SHISA9: variants seen among roughly 807,000 people sequenced by gnomAD.
SHISA9 encodes shisa family member 9.
A neutral mutation model predicts 38.0 loss-of-function variants in SHISA9; 13 were observed. The ratio of observed to expected loss-of-function variants is 0.34; its 90% confidence interval spans 0.22 to 0.54. The LOEUF (loss-of-function observed/expected upper bound fraction) is 0.54, where lower values mean the gene tolerates loss of function less well. Among genes scored for constraint, SHISA9 ranks in the 20% least tolerant of loss-of-function variants. The pLI is 0.91. For synonymous variants in SHISA9, 275 were observed against 242.0 expected (o/e 1.14, Z -1.27); for missense variants, 538 against 575.8 (o/e 0.93, Z 0.67).
chr16:13,208,276 G>C (rs140827004), intron 3 of SHISA9, among the ~76,000 whole-genome samples: 25 of 152,048 alleles, frequency 1.6e-4, no homozygotes, highest in East Asian at 9.6e-4. Flanking sequence ...CCAACTCAGG[G>C]AAAAAACGGT....
At chr16:13,015,950 TTTTCC>T (rs2072748651) in intron 2 of SHISA9, among the ~76,000 whole-genome samples, 1 of 5,270 alleles carries the variant, frequency 1.9e-4, no homozygotes, top group African/African-American at 7.2e-4. Flanking sequence ...TCCTTCTCTC[TTTTCC>T]CTTCCCTTCC....
At chr16:13,313,267 A>AC in the SHISA9 span, among the ~76,000 whole-genome samples, 4 of 151,730 alleles carry the variant, frequency 2.6e-5, no homozygotes, top group African/African-American at 9.6e-5. Flanking sequence ...AAAAAAAAAA[A>AC]AAAAACCCAG....
chr16:12,996,921 G>A (rs1421206712), intron 2 of SHISA9, among the ~76,000 whole-genome samples: 1 of 152,178 alleles, frequency 6.6e-6, no homozygotes, highest in Non-Finnish European at 1.5e-5. Flanking sequence ...AAACCACTCA[G>A]CTTGCATGAA....
At chr16:13,067,042 A>C (rs1465134459) in intron 2 of SHISA9, among the ~76,000 whole-genome samples, 1 of 152,226 alleles carries the variant, frequency 6.6e-6, no homozygotes, top group African/African-American at 2.4e-5. Flanking sequence ...GTGGATGTTC[A>C]AATAGGAAGG....
the SHISA9 span, among the ~76,000 whole-genome samples, chr16:13,520,609 A>AG: frequency 2.7e-5 from 4 of 149,890 alleles, no homozygotes; most frequent in Non-Finnish European, 5.9e-5. Flanking sequence ...GTCTCAAAAA[A>AG]AAAAAAAAAA....
chr16:13,287,184 C>T, the SHISA9 span, among the ~76,000 whole-genome samples: 1 of 152,042 alleles, frequency 6.6e-6, no homozygotes, highest in African/African-American at 2.4e-5. Context: ...CACATAAGAA[C>T]CCAATTAAAT....
chr16:13,134,833 T>A lies in SHISA9; in HGVS notation c.692-68561T>A, dbSNP rs553998717. Among the ~76,000 whole-genome samples the A allele has an allele frequency of 3.3e-5, 5 of 152,242 alleles. No individual in the cohort carries two copies. In the East Asian group the frequency reaches 9.7e-4, roughly 29 times the overall value. ...GTCCAATGTATGGAGTGCCTCTAGCTCTGCTCCATGGGCCTTTACTCAGGA... is the reference window on the plus strand; with the variant it reads ...GTCCAATGTATGGAGTGCCTCTAGCACTGCTCCATGGGCCTTTACTCAGGA... On this transcript the variant is annotated intron_variant, in intron 2 of 4. Coordinates refer to ENST00000558583, the MANE Select transcript of SHISA9 (RefSeq NM_001145204.3).
At chr16:13,139,344 A>AC (rs2050377479) in intron 2 of SHISA9, among the ~76,000 whole-genome samples, 1 of 66,812 alleles carries the variant, frequency 1.5e-5, no homozygotes. Context: ...CTTTCTTCAC[A>AC]CCCCTTCCCT....
chr16:13,557,496 A>G, the SHISA9 span, among the ~76,000 whole-genome samples: 1 of 152,196 alleles, frequency 6.6e-6, no homozygotes, highest in Non-Finnish European at 1.5e-5. Context: ...AAGCTGCCTC[A>G]TAGCAAGATT....
chr16:12,908,439 A>G, intron 1 of SHISA9: 1 of 1,550,332 alleles, frequency 6.5e-7, no homozygotes, highest in South Asian at 1.2e-5. Context: ...GCTTATGTGT[A>G]AATTCTCGTT....
intron 2 of SHISA9, among the ~76,000 whole-genome samples, chr16:13,176,823 G>A (rs1056495522): frequency 6.6e-6 from 1 of 151,854 alleles, no homozygotes; most frequent in African/African-American, 2.4e-5. Flanking sequence ...TTGTAGATCT[G>A]CAACCCTCAG....
chr16:13,191,647 T>A (rs975268712), intron 2 of SHISA9, among the ~76,000 whole-genome samples: 3 of 152,166 alleles, frequency 2.0e-5, no homozygotes, highest in Non-Finnish European at 4.4e-5. Context: ...GAGCAAAAAT[T>A]TGAGTCCAAA....
intron 2 of SHISA9, among the ~76,000 whole-genome samples, chr16:12,932,533 G>A (rs2071474576): frequency 6.6e-6 from 1 of 152,090 alleles, no homozygotes; most frequent in Non-Finnish European, 1.5e-5. Flanking sequence ...TAGAGATGGG[G>A]TTTCACCATG....
intron 4 of SHISA9, among the ~76,000 whole-genome samples, chr16:13,219,376 G>C (rs2051200839): frequency 6.6e-6 from 1 of 152,116 alleles, no homozygotes; most frequent in Admixed American, 6.5e-5. Context: ...TTTCTGAAAA[G>C]GTACTGGGAA....
chr16:13,412,834 C>G, the SHISA9 span, among the ~76,000 whole-genome samples: 3 of 151,860 alleles, frequency 2.0e-5, no homozygotes, highest in African/African-American at 7.3e-5. Flanking sequence ...TCAGTCCGGG[C>G]GACAGAGAAA....
chr16:13,444,982 CTATATATATATATATATATATATA>C, the SHISA9 span, among the ~76,000 whole-genome samples: 27,373 of 106,300 alleles, frequency 0.26, 3,831 homozygotes, highest in East Asian at 0.27. Flanking sequence ...CCATGCCTAG[CTATATATATATATATATATATATA>C]TATATATATA....
the SHISA9 span, among the ~76,000 whole-genome samples, chr16:13,262,670 A>AAGGAAGGAAGGAAGGAAGGAGGGG: frequency 1.4e-5 from 1 of 70,668 alleles, no homozygotes; most frequent in Admixed American, 1.4e-4. Flanking sequence ...GGAAGGAAGG[A>AAGGAAGGAAGGAAGGAAGGAGGGG]AGGGAGGGAG....
chr16:13,524,916 C>T, the SHISA9 span, among the ~76,000 whole-genome samples: 5 of 152,092 alleles, frequency 3.3e-5, no homozygotes, highest in East Asian at 9.6e-4. Flanking sequence ...TCACTAAATG[C>T]CCATAGCACC....
chr16:12,970,833 GT>G (rs2072072046), intron 2 of SHISA9, among the ~76,000 whole-genome samples: 1 of 151,914 alleles, frequency 6.6e-6, no homozygotes, highest in Non-Finnish European at 1.5e-5. Flanking sequence ...CGGGGCATAT[GT>G]TTTAAAGTGG....
Sources: allele counts gnomAD v4.1 joint callset (sites outside exome capture counted in the v4.1 genomes callset), GRCh38; gene constraint gnomAD v4.1.1; transcripts MANE v1.5; gene names NCBI Gene and HGNC (gene_info 2026-07-23, HGNC 2026-07-21).